The following SPANXN1 variants were observed in gnomAD, a reference collection of about 807,000 sequenced individuals.
The protein encoded by SPANXN1 is SPANX family member N1.
In SPANXN1, 1 loss-of-function variant was observed where a neutral mutation model predicts 2.0. The ratio of observed to expected loss-of-function variants is 0.50; its 90% CI spans 0.18 to 2.36. The LOEUF (loss-of-function observed/expected upper bound fraction) is 2.36, where lower values mean the gene tolerates loss of function less well. SPANXN1 is among the 30% of genes most tolerant of loss of function. The pLI is 0.26. For missense variants in SPANXN1, 55 were observed against 51.8 expected (o/e 1.06, Z -0.19); for synonymous variants, 27 against 21.3 (o/e 1.27, Z -0.74).
intron 1 of SPANXN1, among the ~76,000 whole-genome samples, chrX:145,253,886 A>C (rs1556882779): frequency 1.8e-5 from 2 of 111,430 alleles, no homozygotes; most frequent in Non-Finnish European, 1.9e-5. Context: ...AAAGGAGTCA[A>C]GTCTCTTTTC....
chrX:145,254,010 G>A (rs2070796869), intron 1 of SPANXN1, among the ~76,000 whole-genome samples: 3 of 109,846 alleles, frequency 2.7e-5, no homozygotes, highest in Non-Finnish European at 3.8e-5. Context: ...GGTTTCTAGC[G>A]AAAGGGGGTT....
intron 1 of SPANXN1, among the ~76,000 whole-genome samples, chrX:145,250,634 T>C (rs1168275658): frequency 1.8e-5 from 2 of 112,099 alleles, no homozygotes; most frequent in Non-Finnish European, 1.9e-5. Context: ...CATTTTTTCC[T>C]GAATGGCGCC....
intron 1 of SPANXN1, among the ~76,000 whole-genome samples, chrX:145,251,365 G>T (rs1190649396): frequency 8.9e-6 from 1 of 112,079 alleles, no homozygotes; most frequent in Non-Finnish European, 1.9e-5. Flanking sequence ...AGGCATAGAA[G>T]AAATTGATGG....
chrX:145,249,503 G>A (rs782791428), intron 1 of SPANXN1, among the ~76,000 whole-genome samples: 48 of 111,461 alleles, frequency 4.3e-4, no homozygotes, highest in Admixed American at 9.5e-4. Flanking sequence ...GGAAATTGGC[G>A]ACGGAGAGTG....
chrX:145,250,698 A>G (rs182356000), intron 1 of SPANXN1, among the ~76,000 whole-genome samples: 65 of 111,393 alleles, frequency 5.8e-4, no homozygotes, highest in African/African-American at 2.0e-3. Context: ...TGTATGCTGG[A>G]AAAAAATGAG....
chrX:145,252,248 T>C (rs1353126397), intron 1 of SPANXN1, among the ~76,000 whole-genome samples: 1 of 110,771 alleles, frequency 9.0e-6, no homozygotes, highest in Non-Finnish European at 1.9e-5. Context: ...AAAGAGACTT[T>C]GGTAAGCTGG....
At position 145,255,847 on chromosome X, in the gene SPANXN1, G is replaced by A; in HGVS notation, c.*33G>A. On this transcript the variant is annotated 3_prime_UTR_variant, in exon 2 of 2. Transcript: ENST00000370493. ...CCATCAATCCAGTCCAAGAGGAGGA[G>A]GACGAAGGCCTAGACTCAGCTGAAG... 1 of 1,211,768 alleles carries A rather than the reference G, an allele frequency of 8.3e-7. No homozygotes were observed. Among genetic ancestry groups the A allele is most frequent in the Non-Finnish European group, 1.1e-6 (1 of 895,430 alleles).
chrX:145,255,933 C>A lies in SPANXN1; in HGVS notation c.*119C>A. On this transcript the variant is annotated 3_prime_UTR_variant, in exon 2 of 2. Coordinates refer to ENST00000370493, the MANE Select transcript of SPANXN1 (RefSeq NM_001009614.3). ...GAAGGCCTAGACTCAGCTGAAGGAT[C>A]TTCAAAGCAGGATGAAGACCTAGAC... 1 of 1,165,342 alleles carries A rather than the reference C, an allele frequency of 8.6e-7. No individual in the cohort carries two copies. The highest frequency in any genetic ancestry group is 1.2e-6 in the Non-Finnish European group (1 of 855,116).
intron 1 of SPANXN1, among the ~76,000 whole-genome samples, chrX:145,249,466 C>A (rs190316515): frequency 1.3e-4 from 15 of 111,128 alleles, no homozygotes; most frequent in Non-Finnish European, 2.5e-4. Flanking sequence ...CAGGAAAGAT[C>A]TGAAACAAAG....
intron 1 of SPANXN1, among the ~76,000 whole-genome samples, chrX:145,254,778 G>A (rs1340883206): frequency 8.9e-6 from 1 of 111,829 alleles, no homozygotes; most frequent in Non-Finnish European, 1.9e-5. Context: ...AGAAATGGGG[G>A]TGATCCTTGT....
At chrX:145,251,936 T>C (rs2070787601) in intron 1 of SPANXN1, among the ~76,000 whole-genome samples, 1 of 111,328 alleles carries the variant, frequency 9.0e-6, no homozygotes, top group Non-Finnish European at 1.9e-5. Flanking sequence ...GCTCGAGAAT[T>C]AGGGGTTAGG....
chrX:145,255,524 C>A lies in SPANXN1; in HGVS notation c.76-147C>A, dbSNP rs781798940. ...CTCCTCTTCTTCTTCCCCATAGATC[C>A]CTACCCTATGATTCAACCTTGTTCT... On this transcript the variant is annotated intron_variant, in intron 1 of 1. Transcript: ENST00000370493. 1.0e-3 allele frequency: 892 copies of A among 870,072 alleles called. 1 individual carries two copies. The highest frequency in any genetic ancestry group is 3.6e-3 in the Middle Eastern group (9 of 2,485). The allele number at this position is 870,072 out of a possible 1,213,427, so 71.7% of individuals were successfully genotyped here.
At chrX:145,254,004 T>C (rs1401102195) in intron 1 of SPANXN1, among the ~76,000 whole-genome samples, 1 of 109,360 alleles carries the variant, frequency 9.1e-6, no homozygotes, top group Non-Finnish European at 1.9e-5. Context: ...GTGCCTGGTT[T>C]CTAGCGAAAG....
Position 145,249,949 on chromosome X carries a change from G to A in SPANXN1, c.75+2288G>A, listed in dbSNP as rs73639612. Among the ~76,000 whole-genome samples the A allele has an allele frequency of 6.8e-3, 757 of 111,904 alleles. 6 individuals are homozygous for A. The highest frequency in any genetic ancestry group is 0.023 in the African/African-American group (717 of 30,715). Reference sequence around the variant, plus strand: ...ATTTTGGAGGATAAATGGAGCATTTGTACATGAGTTTAAATGGGCTTAGGC... The same window carrying A: ...ATTTTGGAGGATAAATGGAGCATTTATACATGAGTTTAAATGGGCTTAGGC... On this transcript the variant is annotated intron_variant, in intron 1 of 1. Transcript: ENST00000370493.
chrX:145,251,604 T>C (rs2070786050), intron 1 of SPANXN1, among the ~76,000 whole-genome samples: 1 of 112,170 alleles, frequency 8.9e-6, no homozygotes, highest in Non-Finnish European at 1.9e-5. Flanking sequence ...GGAATGTACA[T>C]ACAAAGTAAA....
intron 1 of SPANXN1, among the ~76,000 whole-genome samples, chrX:145,252,518 C>T (rs1223700687): frequency 9.0e-6 from 1 of 110,661 alleles, no homozygotes; most frequent in Non-Finnish European, 1.9e-5. Context: ...AGGATTGAGG[C>T]CCCTTAAACC....
At position 145,256,106 on chromosome X, in the gene SPANXN1, G is replaced by T. The variant is rs782483955; in HGVS notation, c.*292G>T. On this transcript the variant is annotated 3_prime_UTR_variant, in exon 2 of 2. Coordinates refer to ENST00000370493, the MANE Select transcript of SPANXN1 (RefSeq NM_001009614.3). The stretch of plus-strand genomic sequence containing the variant: ...TGAAGGATCTTCACAGGAGGATGAA[G>T]ACCTAGAGAAAAAGCGATCATCTAG... 1.1e-4 allele frequency: 49 copies of T among 457,378 alleles called. No homozygotes were observed. The South Asian group carries it at 1.9e-3, about 18-fold the overall frequency. The allele number at this position is 457,378 out of a possible 1,213,427, so 37.7% of individuals were successfully genotyped here.
chrX:145,255,330 A>C (rs2124447256), intron 1 of SPANXN1, among the ~76,000 whole-genome samples: 1 of 111,704 alleles, frequency 9.0e-6, no homozygotes, highest in African/African-American at 3.3e-5. Context: ...AAGATATGAT[A>C]GGGATGTTTC....
chrX:145,250,772 G>A (rs782530328), intron 1 of SPANXN1, among the ~76,000 whole-genome samples: 7 of 111,713 alleles, frequency 6.3e-5, no homozygotes, highest in South Asian at 3.8e-4. Flanking sequence ...GGTTTTTCTC[G>A]GTTTTGGCAT....
Sources: gnomAD v4.1 joint callset for allele counts (sites outside exome capture counted in the v4.1 genomes callset) on GRCh38, gnomAD v4.1.1 for gene constraint, MANE v1.5 for transcripts, NCBI Gene and HGNC (gene_info 2026-07-23, HGNC 2026-07-21) for gene names.